The following STOX1 variants were observed in gnomAD, a reference collection of about 807,000 sequenced individuals.
STOX1 encodes the protein storkhead box 1, also known as storkhead-box protein 1.
In STOX1, 57 loss-of-function variants were observed where a neutral mutation model predicts 74.8. The observed-to-expected ratio is 0.76, with a 90% CI of 0.62 to 0.95. STOX1 has a LOEUF of 0.95. STOX1 is among the 40% of genes least tolerant of loss of function. The probability of loss-of-function intolerance (pLI) is 0.00; values close to 1 mark genes in which losing one functional copy is unlikely to be tolerated. For synonymous variants in STOX1, 375 were observed against 401.3 expected (o/e 0.93, Z 0.78); for missense variants, 1,010 against 1,117.0 (o/e 0.90, Z 1.37).
rs573317851 is a variant in STOX1 at position 68,889,990 on chromosome 10, T to C, written c.2823-2599T>C. On this transcript the variant is annotated intron_variant, in intron 3 of 3. Coordinates refer to ENST00000298596, the MANE Select transcript of STOX1 (RefSeq NM_152709.5). ...TTTTAACAGAGATGAGGTTTCACCA[T>C]GTTGGCCAGGCTGGTCTCGAACTCC... 1.4e-3 allele frequency among the ~76,000 whole-genome samples: 217 copies of C among 151,610 alleles called. 1 individual carries two copies. The highest frequency in any genetic ancestry group is 5.1e-3 in the African/African-American group (210 of 41,332).
At chr10:68,842,347 A>G (rs1208584846) in intron 1 of STOX1, among the ~76,000 whole-genome samples, 1 of 152,124 alleles carries the variant, frequency 6.6e-6, no homozygotes, top group Non-Finnish European at 1.5e-5. Context: ...TACAATGTAG[A>G]GAAATTTCTA....
intron 1 of STOX1, among the ~76,000 whole-genome samples, chr10:68,857,085 T>G (rs566165267): frequency 6.6e-6 from 1 of 152,264 alleles, no homozygotes. Context: ...TTATTAATTT[T>G]ATTTTGAATG....
At chr10:68,829,069 G>C in intron 1 of STOX1, 1 of 851,252 alleles carries the variant, frequency 1.2e-6, no homozygotes, top group Non-Finnish European at 1.4e-6. Flanking sequence ...TTGATGGTGT[G>C]TTGACAAGTC....
chr10:68,845,800 C>T (rs1179655815), intron 1 of STOX1, among the ~76,000 whole-genome samples: 1 of 151,726 alleles, frequency 6.6e-6, no homozygotes, highest in South Asian at 2.1e-4. Flanking sequence ...CGGGGCTTCA[C>T]CATCTTGGCC....
chr10:68,845,848 C>T (rs1338301745), intron 1 of STOX1, among the ~76,000 whole-genome samples: 8 of 151,586 alleles, frequency 5.3e-5, no homozygotes, highest in African/African-American at 1.7e-4. Context: ...GTGATCTACC[C>T]GCCTCGGCCT....
chr10:68,886,568 AG>A lies in STOX1; in HGVS notation c.2775del (p.Thr926GlnfsTer12). ...DVQYEHSHLE[G>X]TENHSMAGDS... ...TCCAATATGAACACAGTCACTTGGA[AG>A]GGACAGAAAATCACAGCATGGCAGG... is the stretch of plus-strand genomic sequence containing the variant. On this transcript the variant is annotated frameshift_variant, in exon 3 of 4. Transcript: ENST00000298596. LOFTEE classifies it high-confidence loss of function. 6.2e-7 allele frequency: 1 copy of A among 1,614,220 alleles called. No individual in the cohort carries two copies. The highest frequency in any genetic ancestry group is 8.5e-7 in the Non-Finnish European group (1 of 1,180,036).
In STOX1 at chr10:68,877,268, C is replaced by G. The variant is rs561180071; in HGVS notation, c.311-4690C>G. Among the ~76,000 whole-genome samples the G allele has an allele frequency of 1.1e-3, 170 of 152,122 alleles. 1 individual carries two copies. The highest frequency in any genetic ancestry group is 4.0e-3 in the African/African-American group (167 of 41,468). ...AGATTTGTTCACTCTTTTAAAATAC[C>G]CATCCCCATGTCATAGTAGGAATTA... On this transcript the variant is annotated intron_variant, in intron 1 of 3. Coordinates refer to ENST00000298596, the MANE Select transcript of STOX1 (RefSeq NM_152709.5).
chr10:68,884,622 G>A lies in STOX1; in HGVS notation c.826G>A (p.Val276Ile), dbSNP rs529983383. 4.2e-5 allele frequency: 67 copies of A among 1,613,996 alleles called. No homozygotes were observed. Among genetic ancestry groups the A allele is most frequent in the Admixed American group, 4.0e-4 (24 of 60,026 alleles). The change falls in exon 3 of 4, where the codon GTA becomes ATA. Residue 276 changes from valine to isoleucine, a missense_variant. Val to Ile is a conservative substitution (Grantham distance 29). Transcript: ENST00000298596. The part of the protein sequence containing the change: ...RKSHRGLGES[V>I]SWVQNGAVSV... ...GAGTCACAGAGGTCTTGGGGAATCC[G>A]TATCTTGGGTACAGAATGGGGCAGT... is the stretch of plus-strand genomic sequence containing the variant.
intron 1 of STOX1, among the ~76,000 whole-genome samples, chr10:68,853,672 A>AT (rs974823090): frequency 4.6e-4 from 68 of 147,590 alleles, no homozygotes; most frequent in Admixed American, 1.5e-3. Flanking sequence ...CTTACCTTTC[A>AT]TTTTTTTTTT....
downstream of STOX1, among the ~76,000 whole-genome samples, chr10:68,894,032 CT>C (rs1184484134): frequency 6.6e-6 from 1 of 151,360 alleles, no homozygotes; most frequent in Non-Finnish European, 1.5e-5. Context: ...GATGATGGTG[CT>C]GATTTATGGT....
In STOX1 at chr10:68,885,415, C is replaced by G. The variant is rs755487386; in HGVS notation, c.1619C>G (p.Ser540Ter). 1 of 1,614,016 alleles carries G rather than the reference C, an allele frequency of 6.2e-7. No individual in the cohort carries two copies. The highest frequency in any genetic ancestry group is 1.3e-5 in the African/African-American group (1 of 74,912). Residue 540 changes from serine (S) to a stop codon, truncating the protein, a stop_gained, in exon 3 of 4, where the codon TCA becomes TGA. Coordinates refer to ENST00000298596, the MANE Select transcript of STOX1 (RefSeq NM_152709.5). LOFTEE classifies it high-confidence loss of function. ...PFQKPRSLDSSRIFDGKAKEP... is the reference protein window; with the variant it reads ...PFQKPRSLDS The stretch of plus-strand genomic sequence containing the variant: ...CAAAAGCCTAGGTCCTTGGATTCCT[C>G]AAGAATCTTTGATGGTAAAGCCAAA...
rs80065039 is a variant in STOX1 at position 68,839,177 on chromosome 10, C to T, written c.310+11244C>T. Among the ~76,000 whole-genome samples the T allele has an allele frequency of 5.9e-3, 904 of 152,210 alleles. 4 individuals carry two copies. Among genetic ancestry groups the T allele is most frequent in the Non-Finnish European group, 9.1e-3 (617 of 67,992 alleles). The stretch of plus-strand genomic sequence containing the variant: ...AGCTTTTTTATGCAAATAGGAAAAA[C>T]AATTCTAAAATTCGTATGGACTCAC... On this transcript the variant is annotated intron_variant, in intron 1 of 3. Transcript: ENST00000298596.
chr10:68,849,038 A>G (rs760721221), intron 1 of STOX1, among the ~76,000 whole-genome samples: 4 of 152,214 alleles, frequency 2.6e-5, no homozygotes, highest in Non-Finnish European at 5.9e-5. Flanking sequence ...CACGTCTGGC[A>G]TCTCAGGCTG....
At chr10:68,858,095 G>A (rs1237482896) in intron 1 of STOX1, among the ~76,000 whole-genome samples, 2 of 152,128 alleles carry the variant, frequency 1.3e-5, no homozygotes, top group African/African-American at 4.8e-5. Flanking sequence ...TTGTGTCAGT[G>A]TGCAAAGTCC....
At chr10:68,893,477 G>T (rs911603630), downstream of STOX1, among the ~76,000 whole-genome samples, 2 of 152,160 alleles carry the variant, frequency 1.3e-5, no homozygotes, top group South Asian at 4.1e-4. Flanking sequence ...GAGTGCAGTC[G>T]CACAATCTCG....
intron 1 of STOX1, among the ~76,000 whole-genome samples, chr10:68,847,100 C>T (rs1839874019): frequency 6.6e-6 from 1 of 152,092 alleles, no homozygotes; most frequent in African/African-American, 2.4e-5. Flanking sequence ...AAACAAAATG[C>T]CTTCCAGATA....
intron 1 of STOX1, among the ~76,000 whole-genome samples, chr10:68,848,421 T>A (rs969574081): frequency 1.3e-5 from 2 of 152,214 alleles, no homozygotes; most frequent in African/African-American, 4.8e-5. Context: ...CTTTCCATGC[T>A]ACTGCTTGGA....
At chr10:68,880,099 T>G (rs1027097462) in intron 1 of STOX1, among the ~76,000 whole-genome samples, 4 of 151,870 alleles carry the variant, frequency 2.6e-5, no homozygotes, top group African/African-American at 9.7e-5. Flanking sequence ...CTCACCAACT[T>G]CCTTTCCTTC....
At chr10:68,828,229 G>T in intron 1 of STOX1, 1 of 966,348 alleles carries the variant, frequency 1.0e-6, no homozygotes, top group Non-Finnish European at 1.3e-6. Flanking sequence ...GGCGGCGCCG[G>T]GCCCTGCGGC....
Sources: allele counts gnomAD v4.1 joint callset (sites outside exome capture counted in the v4.1 genomes callset), GRCh38; gene constraint gnomAD v4.1.1; transcripts MANE v1.5; gene names NCBI Gene and HGNC (gene_info 2026-07-23, HGNC 2026-07-21).